The following DCBLD1 variants were observed in gnomAD, a reference collection of about 807,000 sequenced individuals.
The protein encoded by DCBLD1 is discoidin, CUB and LCCL domain containing 1.
In DCBLD1, 57 loss-of-function variants were observed where a neutral mutation model predicts 71.5. That is an observed-to-expected ratio of 0.80 (90% CI 0.64 to 0.99). The LOEUF (loss-of-function observed/expected upper bound fraction) is 0.99, where lower values mean the gene tolerates loss of function less well. DCBLD1 is among the 50% of genes least tolerant of loss of function. The pLI, the probability that DCBLD1 is intolerant of heterozygous loss-of-function variation, is 0.00. For missense variants in DCBLD1, 891 were observed against 923.5 expected (o/e 0.96, Z 0.46); for synonymous variants, 380 against 363.8 (o/e 1.04, Z -0.51).
chr6:117,487,039 TC>T (rs1293080620), intron 1 of DCBLD1, among the ~76,000 whole-genome samples: 1 of 151,982 alleles, frequency 6.6e-6, no homozygotes, highest in Non-Finnish European at 1.5e-5. Flanking sequence ...CTAGAAACCA[TC>T]CCCCTCCAAC....
At chr6:117,557,542 C>T (rs559045873) in intron 14 of DCBLD1, among the ~76,000 whole-genome samples, 1 of 152,244 alleles carries the variant, frequency 6.6e-6, no homozygotes, top group Admixed American at 6.5e-5. Flanking sequence ...GCGGATGGAT[C>T]ACCTGAGGTC....
At chr6:117,529,406 C>T (rs1294949150) in intron 5 of DCBLD1, among the ~76,000 whole-genome samples, 1 of 152,102 alleles carries the variant, frequency 6.6e-6, no homozygotes, top group East Asian at 1.9e-4. Context: ...TAGAGACGTT[C>T]TGCTCTACAG....
In DCBLD1 at chr6:117,547,808, A is replaced by G. The variant is rs114464686; in HGVS notation, c.1616-99A>G. On this transcript the variant is annotated intron_variant, in intron 14 of 14. Transcript: ENST00000338728. ...GACACCTGAGGGCACCCGGGGGGAA[A>G]GTCAGTCACCACGACCTGAAGCAGA... The G allele has an allele frequency of 2.4e-3, 3,770 of 1,544,320 alleles. 76 individuals are homozygous for G. In the African/African-American group the frequency reaches 0.046, roughly 19 times the overall value.
chr6:117,519,746 A>T (rs547959081), intron 2 of DCBLD1, 70 bp from the exon 3 acceptor site: 1 of 1,557,496 alleles, frequency 6.4e-7, no homozygotes, highest in African/African-American at 1.4e-5. Context: ...TCAAGGAAAA[A>T]AATGCCATAT....
chr6:117,557,742 C>T (rs942089195), intron 14 of DCBLD1, among the ~76,000 whole-genome samples: 2 of 152,092 alleles, frequency 1.3e-5, no homozygotes, highest in Non-Finnish European at 2.9e-5. Flanking sequence ...CCAGCCTGGG[C>T]AACAAGAGTG....
intron 2 of DCBLD1, 124 bp from the exon 3 acceptor site, chr6:117,519,692 A>G: frequency 7.9e-7 from 1 of 1,266,134 alleles, no homozygotes; most frequent in South Asian, 1.7e-5. Flanking sequence ...TCAGTTGGTA[A>G]AGATTATAAT....
At chr6:117,523,198 AG>A (rs1479193991) in intron 4 of DCBLD1, among the ~76,000 whole-genome samples, 1 of 152,226 alleles carries the variant, frequency 6.6e-6, no homozygotes, top group Non-Finnish European at 1.5e-5. Flanking sequence ...CCAAGCTTAC[AG>A]GGTGGCATTA....
intron 6 of DCBLD1, among the ~76,000 whole-genome samples, chr6:117,534,983 C>T (rs557567751): frequency 3.9e-4 from 60 of 152,192 alleles, no homozygotes; most frequent in Admixed American, 1.2e-3. Flanking sequence ...TTGCACTGAG[C>T]AAATAGTTAA....
intron 5 of DCBLD1, 101 bp from the exon 6 acceptor site, chr6:117,532,159 G>A (rs1313125802): frequency 4.1e-6 from 6 of 1,481,112 alleles, no homozygotes; most frequent in Non-Finnish European, 5.4e-6. Context: ...TTATTCATTG[G>A]GGCCACTACT....
At position 117,548,145 on chromosome 6, in the gene DCBLD1, G is replaced by A. The variant is rs748606552; in HGVS notation, c.1854G>A (p.Gln618=). The A allele has an allele frequency of 4.9e-5, 76 of 1,550,026 alleles. No individual in the cohort carries two copies. The highest frequency in any genetic ancestry group is 7.0e-6 in the Non-Finnish European group (8 of 1,146,790). Residue 618 remains glutamine, a synonymous_variant, in exon 15 of 15, where the codon CAG becomes CAA. Transcript: ENST00000338728. ...HVLRAHTFSA[Q]SGYRVPGPQP... The stretch of plus-strand genomic sequence containing the variant: ...TGCGCGCCCACACGTTCTCTGCGCA[G>A]AGCGGCTACCGCGTCCCAGGGCCCC...
chr6:117,528,254 C>G (rs933321346), intron 5 of DCBLD1, among the ~76,000 whole-genome samples: 1 of 152,018 alleles, frequency 6.6e-6, no homozygotes, highest in Admixed American at 6.6e-5. Context: ...AAAGAATGCA[C>G]ATTTTGTGAA....
chr6:117,507,383 ATTC>A (rs1037671699), intron 2 of DCBLD1, among the ~76,000 whole-genome samples: 7 of 152,200 alleles, frequency 4.6e-5, no homozygotes, highest in African/African-American at 1.7e-4. Context: ...AAATGGGATT[ATTC>A]TTCTTCTGTT....
chr6:117,547,106 T>C (rs922611661), intron 14 of DCBLD1, among the ~76,000 whole-genome samples: 7 of 152,338 alleles, frequency 4.6e-5, no homozygotes, highest in African/African-American at 1.7e-4. Context: ...CCTCTCACTT[T>C]TTGATCTTTT....
Position 117,511,161 on chromosome 6 carries a change from A to G in DCBLD1, c.325+7182A>G, listed in dbSNP as rs560229309. On this transcript the variant is annotated intron_variant, in intron 2 of 14. Coordinates refer to ENST00000338728, the MANE Select transcript of DCBLD1 (RefSeq NM_001366458.2). ...AGCCATCTGTTCCTGTGGCTTGTGC[A>G]TAAGAAGACCTGAGGTGTAGTTCTT... Among the ~76,000 whole-genome samples, 3 of 152,302 alleles carry G rather than the reference A, an allele frequency of 2.0e-5. No individual in the cohort carries two copies. The East Asian group carries it at 5.8e-4, about 29-fold the overall frequency.
chr6:117,539,073 G>T, intron 8 of DCBLD1, 182 bp from the exon 9 acceptor site: 2 of 692,910 alleles, frequency 2.9e-6, no homozygotes, highest in Non-Finnish European at 4.7e-6. Context: ...TCTTTATATG[G>T]TGTATTGTCA....
intron 14 of DCBLD1, among the ~76,000 whole-genome samples, chr6:117,558,626 C>G (rs915509597): frequency 3.3e-5 from 5 of 152,098 alleles, no homozygotes; most frequent in Admixed American, 2.0e-4. Flanking sequence ...GGCACAGTCC[C>G]AAGAAAATCA....
intron 6 of DCBLD1, among the ~76,000 whole-genome samples, chr6:117,533,933 T>C (rs1408199498): frequency 6.6e-6 from 1 of 152,210 alleles, no homozygotes; most frequent in Non-Finnish European, 1.5e-5. Context: ...AACATAACTC[T>C]TTCACAAGCA....
At chr6:117,507,644 T>C (rs1777885261) in intron 2 of DCBLD1, among the ~76,000 whole-genome samples, 1 of 152,168 alleles carries the variant, frequency 6.6e-6, no homozygotes, top group African/African-American at 2.4e-5. Context: ...TTTGAAAAAA[T>C]GCTAATATCC....
intron 2 of DCBLD1, chr6:117,508,094 A>T (rs1270006720): frequency 6.6e-6 from 1 of 152,150 alleles, no homozygotes; most frequent in African/African-American, 2.4e-5. Context: ...CTTTGAAAGG[A>T]CTCAAATATA....
Sources: gnomAD v4.1 joint callset for allele counts (sites outside exome capture counted in the v4.1 genomes callset) on GRCh38, gnomAD v4.1.1 for gene constraint, MANE v1.5 for transcripts, NCBI Gene and HGNC (gene_info 2026-07-23, HGNC 2026-07-21) for gene names.